The following FAM110B variants were observed in gnomAD, a reference collection of about 807,000 sequenced individuals.
FAM110B encodes the protein family with sequence similarity 110 member B, also known as protein FAM110B.
In FAM110B, 6 loss-of-function variants were observed where a neutral mutation model predicts 20.4. That is an observed-to-expected ratio of 0.29 (90% CI 0.16 to 0.58). FAM110B has a LOEUF of 0.58. Among genes scored for constraint, FAM110B ranks in the 20% least tolerant of loss-of-function variants. FAM110B has a pLI of 0.90. For synonymous variants in FAM110B, 226 were observed against 214.1 expected (o/e 1.06, Z -0.49); for missense variants, 434 against 498.2 (o/e 0.87, Z 1.23).
chr8:58,042,768 C>T (rs959460713), intron 2 of FAM110B, among the ~76,000 whole-genome samples: 2 of 152,218 alleles, frequency 1.3e-5, no homozygotes, highest in African/African-American at 4.8e-5. Context: ...TAATCCACAT[C>T]AAAACTGCTT....
Position 58,146,930 on chromosome 8 carries a change from G to A in FAM110B, c.700G>A (p.Ala234Thr), listed in dbSNP as rs755553412. 5 of 1,614,120 alleles carry A rather than the reference G, an allele frequency of 3.1e-6. No homozygotes were observed. The highest frequency in any genetic ancestry group is 1.1e-5 in the South Asian group (1 of 91,074). ...TCCCAAGCCCAAAATCGCAGCCATC[G>A]CCTCCATGAAGTCCCCCGAGGCCGA... The part of the protein sequence containing the change: ...LPPKPKIAAI[A>T]SMKSPEADPV... The change falls in exon 4 of 4, where the codon GCC (alanine) becomes ACC (threonine). Residue 234 changes from alanine (A) to threonine (T), a missense_variant. Ala to Thr is a moderately conservative substitution (Grantham distance 58, BLOSUM62 0). Coordinates refer to ENST00000519262, the MANE Select transcript of FAM110B (RefSeq NM_001377989.1).
At chr8:58,033,452 G>T (rs1286817391) in intron 2 of FAM110B, among the ~76,000 whole-genome samples, 1 of 152,196 alleles carries the variant, frequency 6.6e-6, no homozygotes, top group Non-Finnish European at 1.5e-5. Flanking sequence ...GTAGTTCTAA[G>T]TTCTTTGAGA....
intron 2 of FAM110B, among the ~76,000 whole-genome samples, chr8:58,045,285 T>A (rs908957601): frequency 2.0e-5 from 3 of 152,150 alleles, no homozygotes; most frequent in Non-Finnish European, 4.4e-5. Flanking sequence ...ATAACCACAC[T>A]CTCTCTCGCT....
intron 1 of FAM110B, among the ~76,000 whole-genome samples, chr8:58,019,666 G>A (rs1295185001): frequency 1.3e-5 from 2 of 152,014 alleles, no homozygotes; most frequent in Non-Finnish European, 2.9e-5. Context: ...TTGTAAATAT[G>A]TTGTTCCATT....
At chr8:58,035,503 GAA>G (rs1279835508) in intron 2 of FAM110B, among the ~76,000 whole-genome samples, 1 of 152,160 alleles carries the variant, frequency 6.6e-6, no homozygotes, top group African/African-American at 2.4e-5. Flanking sequence ...GTGTTTTAAA[GAA>G]AAGAGTATGC....
intron 1 of FAM110B, among the ~76,000 whole-genome samples, chr8:58,019,202 G>A (rs1427998132): frequency 6.6e-6 from 1 of 151,684 alleles, no homozygotes; most frequent in Non-Finnish European, 1.5e-5. Flanking sequence ...GCTGGGTGTG[G>A]TGGCACATGC....
At chr8:58,037,152 T>C (rs1171743755) in intron 2 of FAM110B, among the ~76,000 whole-genome samples, 1 of 152,156 alleles carries the variant, frequency 6.6e-6, no homozygotes, top group African/African-American at 2.4e-5. Flanking sequence ...ACATAGTCTA[T>C]AAGCTGATCA....
intron 1 of FAM110B, among the ~76,000 whole-genome samples, chr8:58,005,560 A>G (rs1234382227): frequency 1.3e-5 from 2 of 152,248 alleles, no homozygotes; most frequent in South Asian, 2.1e-4. Context: ...AGTGAAGTGC[A>G]GTAAAGCAAG....
At chr8:58,044,419 C>T (rs967521869) in intron 2 of FAM110B, among the ~76,000 whole-genome samples, 6 of 152,130 alleles carry the variant, frequency 3.9e-5, no homozygotes, top group East Asian at 1.9e-4. Context: ...CTCAGTGCAT[C>T]GAAGCTACCT....
chr8:58,015,276 G>A (rs989410163), intron 1 of FAM110B, among the ~76,000 whole-genome samples: 8 of 152,044 alleles, frequency 5.3e-5, no homozygotes, highest in Non-Finnish European at 1.2e-4. Flanking sequence ...GCAATCGCTT[G>A]AACCCTGGAG....
At chr8:58,066,608 G>A (rs570641274) in intron 2 of FAM110B, among the ~76,000 whole-genome samples, 14 of 152,278 alleles carry the variant, frequency 9.2e-5, no homozygotes, top group Non-Finnish European at 1.3e-4. Flanking sequence ...CAAGCTCCCC[G>A]GACTCTTGCC....
intron 3 of FAM110B, among the ~76,000 whole-genome samples, chr8:58,128,639 A>G (rs891229378): frequency 6.6e-6 from 1 of 152,224 alleles, no homozygotes; most frequent in Non-Finnish European, 1.5e-5. Flanking sequence ...GGATGGCTGT[A>G]TAAGTATTTG....
chr8:58,121,961 C>G (rs545702959), intron 3 of FAM110B, among the ~76,000 whole-genome samples: 1 of 152,272 alleles, frequency 6.6e-6, no homozygotes, highest in South Asian at 2.1e-4. Flanking sequence ...GATCTCATAT[C>G]TCTTTCTTTG....
intron 1 of FAM110B, among the ~76,000 whole-genome samples, chr8:58,006,923 A>ATATATTTTTTTTTTTTTT: frequency 5.4e-4 from 68 of 126,520 alleles, no homozygotes; most frequent in African/African-American, 1.3e-3. Context: ...ATATATATAT[A>ATATATTTTTTTTTTTTTT]TTTTTCCAAA....
intron 3 of FAM110B, among the ~76,000 whole-genome samples, chr8:58,100,673 C>T (rs1465744642): frequency 6.6e-6 from 1 of 152,142 alleles, no homozygotes; most frequent in Non-Finnish European, 1.5e-5. Flanking sequence ...TCCAAATTGC[C>T]CCTTTTTATA....
intron 2 of FAM110B, among the ~76,000 whole-genome samples, chr8:58,054,107 T>A (rs927325485): frequency 6.6e-6 from 1 of 152,342 alleles, no homozygotes; most frequent in Admixed American, 6.5e-5. Context: ...TGGCCAAAAC[T>A]CAGTGATTGA....
intron 3 of FAM110B, among the ~76,000 whole-genome samples, chr8:58,128,465 C>G (rs1173240846): frequency 6.6e-6 from 1 of 152,140 alleles, no homozygotes; most frequent in African/African-American, 2.4e-5. Context: ...TTTGAGTTTC[C>G]CCAGTCTACT....
chr8:58,005,781 T>C (rs1804390958), intron 1 of FAM110B, among the ~76,000 whole-genome samples: 1 of 152,258 alleles, frequency 6.6e-6, no homozygotes, highest in African/African-American at 2.4e-5. Context: ...TGTAAAGTGA[T>C]GGCAGTTACT....
At chr8:58,107,434 A>T (rs902472104) in intron 3 of FAM110B, among the ~76,000 whole-genome samples, 1 of 152,224 alleles carries the variant, frequency 6.6e-6, no homozygotes, top group Non-Finnish European at 1.5e-5. Context: ...AGCAAGTTTT[A>T]GTGACAGTTC....
Sources: allele counts gnomAD v4.1 joint callset (sites outside exome capture counted in the v4.1 genomes callset), GRCh38; gene constraint gnomAD v4.1.1; transcripts MANE v1.5; gene names NCBI Gene and HGNC (gene_info 2026-07-23, HGNC 2026-07-21).